The following PKD1L1 variants were observed in gnomAD, a reference collection of about 807,000 sequenced individuals.
PKD1L1 encodes the protein polycystin 1 like 1, transient receptor potential channel interacting.
A neutral mutation model predicts 323.4 loss-of-function variants in PKD1L1; 236 were observed. That is an observed-to-expected ratio of 0.73 (90% CI 0.66 to 0.81). The LOEUF (loss-of-function observed/expected upper bound fraction) is 0.81, where lower values mean the gene tolerates loss of function less well. PKD1L1 is among the 40% of genes least tolerant of loss of function. The pLI is 0.00. For synonymous variants in PKD1L1, 1,344 were observed against 1,335.0 expected (o/e 1.01, Z -0.15); for missense variants, 3,320 against 3,508.0 (o/e 0.95, Z 1.35).
At chr7:47,821,551 G>A (rs1438726410) in intron 45 of PKD1L1, among the ~76,000 whole-genome samples, 1 of 152,072 alleles carries the variant, frequency 6.6e-6, no homozygotes, top group Non-Finnish European at 1.5e-5. Context: ...TTACAAGCGT[G>A]AGTCACCATG....
intron 31 of PKD1L1, among the ~76,000 whole-genome samples, chr7:47,852,687 C>T (rs1785808505): frequency 6.6e-6 from 1 of 152,166 alleles, no homozygotes; most frequent in African/African-American, 2.4e-5. Context: ...TCTGCCCCCA[C>T]ACTGCTTCAG....
chr7:47,894,847 G>C (rs1347617551), intron 14 of PKD1L1, among the ~76,000 whole-genome samples: 2 of 126,364 alleles, frequency 1.6e-5, no homozygotes, highest in Admixed American at 1.6e-4. Flanking sequence ...AACAGAGTGA[G>C]ACCCTGTCAA....
Position 47,839,377 on chromosome 7 carries a change from G to T in PKD1L1, c.5769+69C>A. 1.5e-6 allele frequency: 2 copies of T among 1,319,712 alleles called. No homozygotes were observed. The highest frequency in any genetic ancestry group is 2.1e-6 in the Non-Finnish European group (2 of 947,568). The allele number at this position is 1,319,712 out of a possible 1,614,324, so 81.8% of individuals were successfully genotyped here. On this transcript the variant is annotated intron_variant, in intron 36 of 56. Coordinates refer to ENST00000289672, the MANE Select transcript of PKD1L1 (RefSeq NM_138295.5). The surrounding 1 kb of genome is among the most constrained non-coding windows in gnomAD (Gnocchi z 4.3). ...CAAAGACACAACTGTGGCAAGCGAA[G>T]CAGAGACAGGTGCCATGCTCTGCCG...
chr7:47,803,470 C>A, intron 52 of PKD1L1, 126 bp from the exon 53 acceptor site: 1 of 1,066,654 alleles, frequency 9.4e-7, no homozygotes, highest in Non-Finnish European at 1.3e-6. Context: ...ACCCATGAGT[C>A]TCCGAGGGAC....
Position 47,866,416 on chromosome 7 carries a change from T to C in PKD1L1, c.4092+3A>G. 1 of 1,612,908 alleles carries C rather than the reference T, an allele frequency of 6.2e-7. No individual in the cohort carries two copies. The highest frequency in any genetic ancestry group is 8.5e-7 in the Non-Finnish European group (1 of 1,179,496). ...ACTAAACTCACCCTCCTCTGAGCCA[T>C]ACCTGATCTACAAAAGCCAATCTGC... is the stretch of plus-strand genomic sequence containing the variant. On this transcript the variant is annotated splice_donor_region_variant and intron_variant, in intron 25 of 56. Transcript: ENST00000289672.
Position 47,840,391 on chromosome 7 carries a change from T to C in PKD1L1, c.5552+70A>G. ...GTTATGTATTCTACTGTTTTGTATT[T>C]GTGATAAGGTTACACCAATTCTGAT... is the stretch of plus-strand genomic sequence containing the variant. On this transcript the variant is annotated intron_variant, in intron 35 of 56. Transcript: ENST00000289672. This position sits in a 1 kb window ranked among gnomAD's most constrained non-coding sequence, Gnocchi z 4.1. The C allele has an allele frequency of 9.1e-7, 1 of 1,103,232 alleles. No individual in the cohort carries two copies. Among genetic ancestry groups the C allele is most frequent in the Admixed American group, 1.8e-5 (1 of 54,456 alleles). 68.3% of individuals were successfully genotyped at this position (1,103,232 alleles called of 1,614,324 possible). A position where few individuals can be genotyped will look rare whatever the true frequency, so the allele number is the denominator to read the frequency against.
At chr7:47,890,415 A>C (rs775903587) in intron 16 of PKD1L1, 127 bp downstream of exon 16, 17 of 889,576 alleles carry the variant, frequency 1.9e-5, no homozygotes, top group Non-Finnish European at 2.8e-5. Flanking sequence ...CCTCCTTTGC[A>C]GTGAGAATCC....
chr7:47,809,316 T>G, intron 51 of PKD1L1, 157 bp downstream of exon 51: 1 of 589,554 alleles, frequency 1.7e-6, no homozygotes, highest in Non-Finnish European at 2.9e-6. Flanking sequence ...TGATACCTGA[T>G]CTCAAATGCT....
intron 7 of PKD1L1, among the ~76,000 whole-genome samples, chr7:47,922,903 A>C (rs113693417): frequency 0.11 from 17,005 of 152,242 alleles, 1,109 homozygotes; most frequent in East Asian, 0.25. Flanking sequence ...AAAAGGGGGA[A>C]ATGTGGGGAA....
chr7:47,818,272 A>T (rs377009107), intron 46 of PKD1L1: 2 of 1,164,032 alleles, frequency 1.7e-6, no homozygotes, highest in African/African-American at 3.2e-5. Context: ...GATGCAGTGA[A>T]AAGGGCGGGA....
intron 3 of PKD1L1, among the ~76,000 whole-genome samples, chr7:47,938,719 T>A (rs899622336): frequency 3.9e-5 from 6 of 152,082 alleles, no homozygotes; most frequent in Non-Finnish European, 7.4e-5. Context: ...ACCAAGCCCT[T>A]TGGGACATGA....
At chr7:47,914,630 A>G (rs1787390268) in intron 8 of PKD1L1, among the ~76,000 whole-genome samples, 1 of 152,074 alleles carries the variant, frequency 6.6e-6, no homozygotes, top group Non-Finnish European at 1.5e-5. Context: ...CTGTGGGAGG[A>G]TCACCCAGAA....
At chr7:47,814,960 G>A (rs920449684) in intron 47 of PKD1L1, among the ~76,000 whole-genome samples, 1 of 152,270 alleles carries the variant, frequency 6.6e-6, no homozygotes, top group East Asian at 1.9e-4. Context: ...CTGTTTTGGG[G>A]TGGTTCTTGT....
Position 47,931,133 on chromosome 7 carries a change from C to T in PKD1L1, c.708G>A (p.Pro236=), listed in dbSNP as rs555610106. The stretch of plus-strand genomic sequence containing the variant: ...TGGGAGAAGTGGGAAAATGTGAAAT[C>T]GGCCACAGGGGCACTCGCTGGGAGC... The part of the protein sequence containing the change: ...QTSSQRVPLW[P]ISHFPTSPRS... Residue 236 remains proline, a synonymous_variant, in exon 6 of 57, where the codon CCG becomes CCA. Transcript: ENST00000289672. 1.5e-5 allele frequency: 24 copies of T among 1,614,054 alleles called. No individual in the cohort carries two copies. The African/African-American group carries it at 1.7e-4, about 12-fold the overall frequency.
chr7:47,839,618 T>C lies in PKD1L1; in HGVS notation c.5597A>G (p.His1866Arg). Residue 1866 changes from histidine to arginine, a missense_variant, in exon 36 of 57, where the codon CAC becomes CGC. Coordinates refer to ENST00000289672, the MANE Select transcript of PKD1L1 (RefSeq NM_138295.5). This position sits in a 1 kb window ranked among gnomAD's most constrained non-coding sequence, Gnocchi z 4.3. ...GCCTGGGGAAGGCCCACGGCTGTCG[T>C]GCCAGAGGCGGATCTTCCTCAGCAG... ...LGLLRKIRLW[H>R]DSRGPSPGWF... 6.3e-7 allele frequency: 1 copy of C among 1,587,974 alleles called. No individual in the cohort carries two copies. Among genetic ancestry groups the C allele is most frequent in the Non-Finnish European group, 8.6e-7 (1 of 1,167,252 alleles).
At chr7:47,899,937 C>T (rs910330035) in intron 13 of PKD1L1, among the ~76,000 whole-genome samples, 1 of 133,720 alleles carries the variant, frequency 7.5e-6, no homozygotes, top group Non-Finnish European at 1.6e-5. Flanking sequence ...TCCTAGGCAA[C>T]AGAGCGAGAC....
At chr7:47,873,855 T>C in intron 24 of PKD1L1, 44 bp downstream of exon 24, 2 of 1,479,928 alleles carry the variant, frequency 1.4e-6, no homozygotes, top group South Asian at 2.4e-5. Flanking sequence ...CTGGAAGAAA[T>C]ACAAATAATG....
chr7:47,818,229 A>C (rs1175259034), intron 46 of PKD1L1: 1 of 1,328,514 alleles, frequency 7.5e-7, no homozygotes, highest in Non-Finnish European at 1.0e-6. Flanking sequence ...TATTCACGCC[A>C]AAGGAAAGGA....
At chr7:47,804,469 A>ATTTTTTTT (rs71966592) in intron 52 of PKD1L1, among the ~76,000 whole-genome samples, 4 of 123,040 alleles carry the variant, frequency 3.3e-5, no homozygotes, top group Non-Finnish European at 6.5e-5. Flanking sequence ...TACATTTTTA[A>ATTTTTTTT]TTTTTTTTTT....
Sources: gnomAD v4.1 joint callset for allele counts (sites outside exome capture counted in the v4.1 genomes callset) on GRCh38, gnomAD v4.1.1 for gene constraint, Gnocchi (gnomAD v3.1) non-coding constraint, MANE v1.5 for transcripts, NCBI Gene and HGNC (gene_info 2026-07-23, HGNC 2026-07-21) for gene names.